The following RIMS2 variants were observed in gnomAD, a reference collection of about 807,000 sequenced individuals.
RIMS2 encodes regulating synaptic membrane exocytosis 2.
A neutral mutation model predicts 174.4 loss-of-function variants in RIMS2; 59 were observed. That is an observed-to-expected ratio of 0.34 (90% CI 0.27 to 0.42). The LOEUF is 0.42. Ranked by LOEUF, RIMS2 falls within the 10% of genes least tolerant of loss-of-function variation. The pLI, the probability that RIMS2 is intolerant of heterozygous loss-of-function variation, is 1.00. For synonymous variants in RIMS2, 606 were observed against 572.5 expected (o/e 1.06, Z -0.84); for missense variants, 1,620 against 1,666.3 (o/e 0.97, Z 0.48).
At chr8:104,176,513 A>T (rs1456908166) in intron 19 of RIMS2, among the ~76,000 whole-genome samples, 12 of 152,096 alleles carry the variant, frequency 7.9e-5, no homozygotes, top group African/African-American at 2.4e-4. Context: ...TGGTTTATTT[A>T]TTCTGTCCTT....
intron 1 of RIMS2, among the ~76,000 whole-genome samples, chr8:103,651,149 G>A (rs1288496544): frequency 6.6e-6 from 1 of 152,220 alleles, no homozygotes; most frequent in Non-Finnish European, 1.5e-5. Flanking sequence ...TGGGTTGCAA[G>A]GATCTGTGGG....
chr8:103,585,313 T>A (rs2093849174), intron 1 of RIMS2, among the ~76,000 whole-genome samples: 1 of 152,128 alleles, frequency 6.6e-6, no homozygotes, highest in African/African-American at 2.4e-5. Context: ...AGTTCAAGCA[T>A]TGTGGAAGAC....
intron 5 of RIMS2, chr8:103,910,360 C>T: frequency 1.3e-6 from 2 of 1,597,608 alleles, no homozygotes; most frequent in Non-Finnish European, 1.7e-6. Flanking sequence ...AGTGAGCAGG[C>T]AGTTTTGTCG....
intron 1 of RIMS2, among the ~76,000 whole-genome samples, chr8:103,530,957 C>T (rs907461295): frequency 6.6e-6 from 1 of 151,500 alleles, no homozygotes; most frequent in African/African-American, 2.4e-5. Context: ...ACCTTTCTGT[C>T]TGTATGTTAT....
intron 1 of RIMS2, among the ~76,000 whole-genome samples, chr8:103,527,691 T>G (rs540008172): frequency 3.5e-4 from 54 of 152,310 alleles, no homozygotes; most frequent in African/African-American, 1.3e-3. Flanking sequence ...GTTTCCAGTT[T>G]CATCCATGTC....
chr8:103,602,070 C>T (rs2094777223), intron 1 of RIMS2, among the ~76,000 whole-genome samples: 1 of 152,132 alleles, frequency 6.6e-6, no homozygotes, highest in South Asian at 2.1e-4. Context: ...ACTGCCACCT[C>T]TGCCTCCCAG....
chr8:103,696,665 G>A (rs1004260342), intron 1 of RIMS2, among the ~76,000 whole-genome samples: 2 of 151,704 alleles, frequency 1.3e-5, no homozygotes, highest in East Asian at 1.9e-4. Flanking sequence ...TCAGGAGTTC[G>A]AGACCGGCCT....
chr8:103,501,993 T>C (rs1820390709), intron 1 of RIMS2, among the ~76,000 whole-genome samples: 1 of 152,202 alleles, frequency 6.6e-6, no homozygotes, highest in Non-Finnish European at 1.5e-5. Context: ...TTCTACAAGG[T>C]TTGCTTTTGA....
intron 5 of RIMS2, 86 bp from the exon 8 acceptor site, chr8:103,910,235 G>A (rs779679562): frequency 2.6e-5 from 40 of 1,542,284 alleles, no homozygotes; most frequent in African/African-American, 7.0e-5. Context: ...TTTAATTTTC[G>A]TTATCATTTC....
chr8:103,834,984 G>A (rs1278367493), intron 3 of RIMS2, among the ~76,000 whole-genome samples: 2 of 151,470 alleles, frequency 1.3e-5, no homozygotes, highest in Non-Finnish European at 2.9e-5. Flanking sequence ...TTGTCCAGGC[G>A]GGTCTTGAAC....
chr8:104,241,471 C>G (rs570962065), intron 19 of RIMS2, among the ~76,000 whole-genome samples: 1 of 152,268 alleles, frequency 6.6e-6, no homozygotes, highest in South Asian at 2.1e-4. Context: ...GGCAGATTTT[C>G]AAGTCGCTTT....
chr8:103,586,895 AAGG>A (rs2093952054), intron 1 of RIMS2, among the ~76,000 whole-genome samples: 1 of 152,058 alleles, frequency 6.6e-6, no homozygotes, highest in Non-Finnish European at 1.5e-5. Flanking sequence ...CAGATTGAAA[AAGG>A]AGACATTACA....
intron 19 of RIMS2, among the ~76,000 whole-genome samples, chr8:104,144,075 G>A (rs2098608037): frequency 6.6e-6 from 1 of 151,752 alleles, no homozygotes; most frequent in Non-Finnish European, 1.5e-5. Context: ...TTATGTATTT[G>A]GGGAATACTT....
rs187278074 is a variant in RIMS2, at chr8:103,955,597, A to G, written c.2702-5468A>G. ...AATAAACTAGGCACTGATGGAACAT[A>G]TCTCAAAATAATACAAGCAATTTGT... On this transcript the variant is annotated intron_variant, in intron 14 of 23. Transcript: ENST00000504942. Among the ~76,000 whole-genome samples the G allele has an allele frequency of 4.6e-5, 7 of 152,344 alleles. No homozygotes were observed. In the East Asian group the frequency reaches 1.3e-3, roughly 29 times the overall value.
chr8:103,763,929 C>G (rs2098139266), intron 2 of RIMS2, among the ~76,000 whole-genome samples: 1 of 152,174 alleles, frequency 6.6e-6, no homozygotes, highest in Admixed American at 6.5e-5. Flanking sequence ...ACATATTGAA[C>G]TACGAATCTC....
intron 3 of RIMS2, among the ~76,000 whole-genome samples, chr8:103,822,610 T>G (rs948892456): frequency 1.3e-5 from 2 of 151,916 alleles, no homozygotes; most frequent in African/African-American, 4.8e-5. Context: ...TCTCTTATTG[T>G]ATGGTTCTTG....
At chr8:103,828,580 A>G (rs914541987) in intron 3 of RIMS2, among the ~76,000 whole-genome samples, 1 of 152,132 alleles carries the variant, frequency 6.6e-6, no homozygotes, top group Non-Finnish European at 1.5e-5. Context: ...TAGTTTAATT[A>G]GGTCCCACTT....
chr8:103,652,514 C>A (rs756902452), intron 1 of RIMS2, 110 bp from the exon 3 acceptor site: 2 of 513,660 alleles, frequency 3.9e-6, no homozygotes, highest in East Asian at 6.9e-5. Context: ...GCTCACATTA[C>A]CATTGGCTGT....
chr8:104,159,990 T>G (rs1489223474), intron 19 of RIMS2, among the ~76,000 whole-genome samples: 1 of 151,842 alleles, frequency 6.6e-6, no homozygotes, highest in African/African-American at 2.4e-5. Context: ...AATACAAAAA[T>G]TAGGTGGGCA....
Sources: allele counts gnomAD v4.1 joint callset (sites outside exome capture counted in the v4.1 genomes callset), GRCh38; gene constraint gnomAD v4.1.1; transcripts MANE v1.5; gene names NCBI Gene and HGNC (gene_info 2026-07-23, HGNC 2026-07-21).